The following IL1RAPL1 variants were observed in gnomAD, a reference collection of about 807,000 sequenced individuals.
The protein encoded by IL1RAPL1 is interleukin 1 receptor accessory protein like 1, also known as interleukin-1 receptor accessory protein-like 1.
IL1RAPL1 carries 3 observed loss-of-function variants against 48.4 expected under a neutral mutation model. That is an observed-to-expected ratio of 0.06 (90% CI 0.03 to 0.16). The LOEUF (loss-of-function observed/expected upper bound fraction) is 0.16. Among genes scored for constraint, IL1RAPL1 ranks in the 10% least tolerant of loss-of-function variants. The pLI, the probability that IL1RAPL1 is intolerant of heterozygous loss-of-function variation, is 1.00. For synonymous variants in IL1RAPL1, 185 were observed against 187.7 expected, an observed-to-expected ratio of 0.99 and a Z score of 0.12; for missense variants, 349 against 530.6, an observed-to-expected ratio of 0.66 and a Z score of 3.36.
chrX:29,387,381 A>G (rs1933792544), intron 3 of IL1RAPL1, among the ~76,000 whole-genome samples: 1 of 112,415 alleles, frequency 8.9e-6, no homozygotes, highest in Non-Finnish European at 1.9e-5. Flanking sequence ...GTCACTTTTT[A>G]TACGAAACTC....
intron 2 of IL1RAPL1, among the ~76,000 whole-genome samples, chrX:28,820,507 T>G (rs1936925856): frequency 8.9e-6 from 1 of 111,761 alleles, no homozygotes; most frequent in South Asian, 3.7e-4. Flanking sequence ...TCTACCTGCC[T>G]TGTTATTCAA....
chrX:29,417,387 C>T (rs67427983), intron 5 of IL1RAPL1, among the ~76,000 whole-genome samples: 9,886 of 111,449 alleles, frequency 0.089, 593 homozygotes, highest in African/African-American at 0.22. Flanking sequence ...ATTATATTAG[C>T]ATCTCTTGTT....
At chrX:28,949,571 C>T (rs1277031077) in intron 2 of IL1RAPL1, among the ~76,000 whole-genome samples, 3 of 111,360 alleles carry the variant, frequency 2.7e-5, no homozygotes, top group Non-Finnish European at 5.7e-5. Context: ...AAAATTTGTC[C>T]CTATTTCTCC....
intron 2 of IL1RAPL1, among the ~76,000 whole-genome samples, chrX:29,101,583 C>A (rs1237590488): frequency 9.0e-6 from 1 of 111,627 alleles, no homozygotes; most frequent in Non-Finnish European, 1.9e-5. Context: ...CCCAGATAAA[C>A]ATTGGTGCAA....
intron 2 of IL1RAPL1, among the ~76,000 whole-genome samples, chrX:28,878,000 T>C (rs1203736558): frequency 8.9e-6 from 1 of 112,203 alleles, no homozygotes; most frequent in Non-Finnish European, 1.9e-5. Context: ...TAAATAGTAA[T>C]GAAGCCACAT....
At chrX:29,877,368 G>C (rs184192285) in intron 6 of IL1RAPL1, among the ~76,000 whole-genome samples, 1 of 111,539 alleles carries the variant, frequency 9.0e-6, no homozygotes, top group Non-Finnish European at 1.9e-5. Flanking sequence ...CATCACTGAG[G>C]CATCAGCATC....
chrX:29,231,324 G>T (rs114707354), intron 2 of IL1RAPL1, among the ~76,000 whole-genome samples: 1,700 of 111,596 alleles, frequency 0.015, 29 homozygotes, highest in African/African-American at 0.048. Context: ...ATCCCATATT[G>T]CTCAGCAGTT....
intron 3 of IL1RAPL1, among the ~76,000 whole-genome samples, chrX:29,360,704 A>G (rs1206956689): frequency 1.8e-5 from 2 of 112,001 alleles, no homozygotes; most frequent in Non-Finnish European, 3.8e-5. Context: ...TGAGTTTACC[A>G]AGTTAAGCAC....
intron 5 of IL1RAPL1, among the ~76,000 whole-genome samples, chrX:29,624,673 A>G: frequency 9.4e-6 from 1 of 106,415 alleles, no homozygotes; most frequent in South Asian, 4.1e-4. Flanking sequence ...TGTTTTTTAC[A>G]AAAAATACAA....
intron 5 of IL1RAPL1, among the ~76,000 whole-genome samples, chrX:29,540,495 C>G (rs896888791): frequency 9.0e-6 from 1 of 111,692 alleles, no homozygotes; most frequent in African/African-American, 3.3e-5. Flanking sequence ...GCAAAAAGAA[C>G]AAAGCCAGAG....
chrX:29,123,908 A>G (rs973178379), intron 2 of IL1RAPL1, among the ~76,000 whole-genome samples: 1 of 108,911 alleles, frequency 9.2e-6, no homozygotes, highest in South Asian at 3.9e-4. Flanking sequence ...TTTTAGATAG[A>G]TTGTGTTAAA....
At chrX:29,515,774 C>T (rs911340805) in intron 5 of IL1RAPL1, among the ~76,000 whole-genome samples, 12 of 111,371 alleles carry the variant, frequency 1.1e-4, no homozygotes, top group Non-Finnish European at 2.3e-4. Flanking sequence ...GCAACCTCCA[C>T]CCCCTGGATT....
At chrX:29,274,820 A>G (rs985925504) in intron 2 of IL1RAPL1, among the ~76,000 whole-genome samples, 9 of 111,518 alleles carry the variant, frequency 8.1e-5, no homozygotes, top group Non-Finnish European at 1.1e-4. Context: ...TAGTGCCACA[A>G]TCTTCTCTGG....
chrX:28,754,057 T>A, intron 1 of IL1RAPL1, among the ~76,000 whole-genome samples: 1 of 23,257 alleles, frequency 4.3e-5, no homozygotes, highest in South Asian at 1.1e-3. Context: ...CTTCAGGTAT[T>A]TTTTTTTAAT....
At chrX:29,219,105 A>G (rs916768561) in intron 2 of IL1RAPL1, among the ~76,000 whole-genome samples, 4 of 112,290 alleles carry the variant, frequency 3.6e-5, no homozygotes, top group Admixed American at 9.5e-5. Context: ...AAACAGTTGC[A>G]TAACTCACTA....
chrX:29,217,366 T>A (rs1245500092), intron 2 of IL1RAPL1, among the ~76,000 whole-genome samples: 1 of 112,291 alleles, frequency 8.9e-6, no homozygotes, highest in Non-Finnish European at 1.9e-5. Flanking sequence ...CACCAAATAT[T>A]TGCCAGGTAG....
At chrX:29,012,280 C>T (rs766906601) in intron 2 of IL1RAPL1, among the ~76,000 whole-genome samples, 1 of 112,335 alleles carries the variant, frequency 8.9e-6, no homozygotes, top group African/African-American at 3.2e-5. Flanking sequence ...AGGTGGCTCA[C>T]GCCTGTAATC....
chrX:29,176,812 T>C (rs184982340), intron 2 of IL1RAPL1, among the ~76,000 whole-genome samples: 1 of 110,912 alleles, frequency 9.0e-6, no homozygotes, highest in Non-Finnish European at 1.9e-5. Flanking sequence ...CTCAATGCCA[T>C]TTACCAATCT....
Position 28,833,920 on chromosome X carries a change from TA to T in IL1RAPL1, c.82+44497del, listed in dbSNP as rs200725882. Among the ~76,000 whole-genome samples, 982 of 112,393 alleles carry T rather than the reference TA, an allele frequency of 8.7e-3. 11 individuals carry two copies. Among genetic ancestry groups the T allele is most frequent in the African/African-American group, 0.03 (924 of 31,016 alleles). On this transcript the variant is annotated intron_variant, in intron 2 of 10. Coordinates refer to ENST00000378993, the MANE Select transcript of IL1RAPL1 (RefSeq NM_014271.4). ...GGGTTCAAATATCATTTTATAATTT[TA>T]ATAATGCATTTATGTAAACATTAAG...
Sources: gnomAD v4.1 joint callset for allele counts (sites outside exome capture counted in the v4.1 genomes callset) on GRCh38, gnomAD v4.1.1 for gene constraint, MANE v1.5 for transcripts, NCBI Gene and HGNC (gene_info 2026-07-23, HGNC 2026-07-21) for gene names.